ZNF799: variants seen among roughly 807,000 people sequenced by gnomAD.
ZNF799 encodes the protein zinc finger protein 14.
In ZNF799, 28 loss-of-function variants were observed where a neutral mutation model predicts 41.0. The observed-to-expected ratio is 0.68, with a 90% CI of 0.51 to 0.94. ZNF799 has a LOEUF of 0.94. ZNF799 is among the 40% of genes least tolerant of loss of function. ZNF799 has a pLI of 0.00. For synonymous variants in ZNF799, 213 were observed against 252.9 expected (o/e 0.84, Z 1.50); for missense variants, 716 against 764.3 (o/e 0.94, Z 0.74).
chr19:12,392,233 A>G (rs1345027609), intron 3 of ZNF799, 27 bp from the exon 4 acceptor site: 1 of 1,527,410 alleles, frequency 6.5e-7, no homozygotes, highest in Non-Finnish European at 8.8e-7. Flanking sequence ...ATATATCACT[A>G]AAAGTCGGTC....
At position 12,401,139 on chromosome 19, in the gene ZNF799, A is replaced by T; in HGVS notation, c.-69T>A. The T allele has an allele frequency of 1.2e-6, 2 of 1,611,798 alleles. No individual in the cohort carries two copies. Among genetic ancestry groups the T allele is most frequent in the East Asian group, 4.5e-5 (2 of 44,874 alleles). On this transcript the variant is annotated 5_prime_UTR_variant, in exon 1 of 4. Transcript: ENST00000430385. ...CTGCCAATGCGGGTTCCCGCGGGACACAGGCTGCCACGGAACTTCCAGGTC... is the reference window on the plus strand; with the variant it reads ...CTGCCAATGCGGGTTCCCGCGGGACTCAGGCTGCCACGGAACTTCCAGGTC...
chr19:12,401,720 G>A (rs1301472184), upstream of ZNF799, among the ~76,000 whole-genome samples: 1 of 151,334 alleles, frequency 6.6e-6, no homozygotes, highest in Non-Finnish European at 1.5e-5. Flanking sequence ...GATTACAGGT[G>A]CGCGCCACCA....
At chr19:12,411,895 G>GTC in the ZNF799 span, among the ~76,000 whole-genome samples, 1 of 152,156 alleles carries the variant, frequency 6.6e-6, no homozygotes, top group Non-Finnish European at 1.5e-5. Context: ...TTACAGGCAT[G>GTC]AGCCACTGTG....
At chr19:12,405,698 GA>G (rs556296692), upstream of ZNF799, among the ~76,000 whole-genome samples, 5 of 152,284 alleles carry the variant, frequency 3.3e-5, no homozygotes, top group East Asian at 9.6e-4. Context: ...AACACAGTTT[GA>G]AAATGTTACT....
At chr19:12,410,625 G>T in the ZNF799 span, among the ~76,000 whole-genome samples, 2 of 151,840 alleles carry the variant, frequency 1.3e-5, no homozygotes, top group African/African-American at 4.8e-5. Context: ...ATATATTAAT[G>T]AAATTGCAAA....
the ZNF799 span, among the ~76,000 whole-genome samples, chr19:12,409,004 C>T: frequency 3.3e-5 from 5 of 151,840 alleles, no homozygotes; most frequent in South Asian, 2.1e-4. Flanking sequence ...CATTGCACTC[C>T]AGCCTGGGCA....
the ZNF799 span, among the ~76,000 whole-genome samples, chr19:12,411,113 T>C: frequency 6.6e-6 from 1 of 152,142 alleles, no homozygotes; most frequent in African/African-American, 2.4e-5. Flanking sequence ...TACAGACATA[T>C]CTCCGCCATG....
At chr19:12,392,804 A>C (rs1395602080) in intron 2 of ZNF799, 141 bp from the exon 3 acceptor site, 3 of 614,406 alleles carry the variant, frequency 4.9e-6, no homozygotes, top group Non-Finnish European at 8.6e-6. Context: ...TTTGAACTGC[A>C]CAAGTCCATT....
chr19:12,407,638 T>A, the ZNF799 span, among the ~76,000 whole-genome samples: 1 of 152,186 alleles, frequency 6.6e-6, no homozygotes. Flanking sequence ...TCCTATCTGA[T>A]GTAATAGATG....
chr19:12,399,809 A>G (rs1039526109), intron 1 of ZNF799, among the ~76,000 whole-genome samples: 31 of 151,850 alleles, frequency 2.0e-4, no homozygotes, highest in Non-Finnish European at 3.2e-4. Context: ...AAGCCCAGCT[A>G]ATTTTATTAT....
At chr19:12,408,210 A>C in the ZNF799 span, among the ~76,000 whole-genome samples, 1 of 152,174 alleles carries the variant, frequency 6.6e-6, no homozygotes. Context: ...CAAGTAGTAT[A>C]GTATAATAAG....
In ZNF799 at chr19:12,392,022, C is replaced by A. The variant is rs376647936; in HGVS notation, c.376G>T (p.Ala126Ser). The change falls in exon 4 of 4, where the codon GCT becomes TCT. Residue 126 changes from alanine to serine, a missense_variant. Physicochemically the swap from Ala to Ser is moderately conservative, Grantham distance 99 (BLOSUM62 1). Around this residue, in one of 2 missense-constraint regions of ZNF799, gnomAD observed 698 missense variants for 713.6 expected, o/e 0.98. Transcript: ENST00000430385. The stretch of plus-strand genomic sequence containing the variant: ...TGATACTCATATGGTTTGTGCCCAG[C>A]ACCAACTCTGATGTAACAATTAAGG... ...SSLNCYIRVG[A>S]GHKPYEYHEC... 1 of 1,614,190 alleles carries A rather than the reference C, an allele frequency of 6.2e-7. No individual in the cohort carries two copies. The highest frequency in any genetic ancestry group is 2.2e-5 in the East Asian group (1 of 44,888).
chr19:12,403,530 G>A (rs1161217558), upstream of ZNF799, among the ~76,000 whole-genome samples: 1 of 150,782 alleles, frequency 6.6e-6, no homozygotes, highest in Non-Finnish European at 1.5e-5. Context: ...TTTATTTGAA[G>A]GTTTTCTTCT....
Position 12,392,090 on chromosome 19 carries a change from T to G in ZNF799, c.308A>C (p.Tyr103Ser), listed in dbSNP as rs748097824. ...GACTTCTCCACTCATACGGCTTTCA[T>G]ATGGACCTACTCCAGGAAGAGTGTT... ...TKNTLPGVGP[Y>S]ESRMSGEVIM... Residue 103 changes from tyrosine to serine, a missense_variant, in exon 4 of 4, where the codon TAT becomes TCT. Tyr to Ser is a moderately radical substitution (Grantham distance 144). Transcript: ENST00000430385. 2.5e-6 allele frequency: 4 copies of G among 1,613,872 alleles called. No homozygotes were observed. The highest frequency in any genetic ancestry group is 3.4e-6 in the Non-Finnish European group (4 of 1,179,994).
chr19:12,405,997 AC>A (rs1970026704), upstream of ZNF799, among the ~76,000 whole-genome samples: 1 of 151,840 alleles, frequency 6.6e-6, no homozygotes, highest in Admixed American at 6.6e-5. Flanking sequence ...ACACGGTGAA[AC>A]CCCATCTCTA....
the ZNF799 span, among the ~76,000 whole-genome samples, chr19:12,407,861 A>T: frequency 6.6e-6 from 1 of 152,174 alleles, no homozygotes; most frequent in African/African-American, 2.4e-5. Context: ...TACTGGTAAA[A>T]TTTAAGAAAC....
At position 12,392,298 on chromosome 19, in the gene ZNF799, C is replaced by G. The variant is rs374523200; in HGVS notation, c.192-92G>C. Reference sequence around the variant, plus strand: ...ATTGGATGTACATTTTTAACACTATCATGCAAAGTGCAGGCTTCGTGTCCT... The same window carrying G: ...ATTGGATGTACATTTTTAACACTATGATGCAAAGTGCAGGCTTCGTGTCCT... On this transcript the variant is annotated intron_variant, in intron 3 of 3. Transcript: ENST00000430385. The G allele has an allele frequency of 3.0e-5, 45 of 1,504,728 alleles. No homozygotes were observed. The South Asian group carries it at 5.5e-4, about 19-fold the overall frequency. The allele number at this position is 1,504,728 out of a possible 1,614,324, so 93.2% of individuals were successfully genotyped here. A position where few individuals can be genotyped will look rare whatever the true frequency, so the allele number is the denominator to read the frequency against.
At chr19:12,402,501 A>G (rs985998588), upstream of ZNF799, among the ~76,000 whole-genome samples, 29 of 136,768 alleles carry the variant, frequency 2.1e-4, no homozygotes, top group African/African-American at 7.7e-4. Flanking sequence ...GGGCATTCTT[A>G]TTGTGTTCCA....
chr19:12,412,561 C>T, the ZNF799 span, among the ~76,000 whole-genome samples: 10 of 148,976 alleles, frequency 6.7e-5, no homozygotes, highest in Non-Finnish European at 1.5e-4. Flanking sequence ...AAAAAACCCA[C>T]GAAATGTCAG....
Sources: gnomAD v4.1 joint callset for allele counts (sites outside exome capture counted in the v4.1 genomes callset) on GRCh38, gnomAD v4.1.1 for gene constraint, gnomAD v4.1.1 regional missense constraint, MANE v1.5 for transcripts, NCBI Gene and HGNC (gene_info 2026-07-23, HGNC 2026-07-21) for gene names.